Variants in SCNN1B observed in about 807,000 individuals in gnomAD.
SCNN1B encodes the protein sodium channel epithelial 1 subunit beta.
A neutral mutation model predicts 65.3 loss-of-function variants in SCNN1B; 46 were observed. The observed-to-expected ratio is 0.70, with a 90% confidence interval of 0.56 to 0.90. The LOEUF is 0.90. SCNN1B is among the 40% of genes least tolerant of loss of function. The probability of loss-of-function intolerance (pLI) is 0.00; values close to 1 mark genes in which losing one functional copy is unlikely to be tolerated. For missense variants in SCNN1B, 751 were observed against 830.5 expected, an observed-to-expected ratio of 0.90 and a Z score of 1.18; for synonymous variants, 349 against 330.6, an observed-to-expected ratio of 1.06 and a Z score of -0.60.
intron 9 of SCNN1B, 24 bp from the exon 10 acceptor site, chr16:23,377,305 A>C (rs1190152189): frequency 1.2e-6 from 2 of 1,614,064 alleles, no homozygotes; most frequent in African/African-American, 2.7e-5. Flanking sequence ...CAGGGACCAC[A>C]ACAGGCCTGG....
intron 9 of SCNN1B, 25 bp from the exon 10 acceptor site, chr16:23,377,303 AC>A (rs759011588): frequency 1.2e-6 from 2 of 1,614,202 alleles, no homozygotes; most frequent in South Asian, 2.2e-5. Flanking sequence ...GGCAGGGACC[AC>A]AACAGGCCTG....
chr16:23,371,563 C>A, intron 6 of SCNN1B, 101 bp downstream of exon 6: 1 of 1,283,304 alleles, frequency 7.8e-7, no homozygotes, highest in Non-Finnish European at 1.1e-6. Flanking sequence ...ATCTGGGCCC[C>A]CCAGCCCTGG....
intron 1 of SCNN1B, among the ~76,000 whole-genome samples, chr16:23,338,347 C>T (rs7204560): frequency 0.094 from 14,240 of 152,234 alleles, 786 homozygotes; most frequent in East Asian, 0.24. Flanking sequence ...GTGGCTGTTA[C>T]ACCTGGCCAG....
intron 1 of SCNN1B, among the ~76,000 whole-genome samples, chr16:23,340,802 C>T (rs570403336): frequency 4.7e-4 from 71 of 152,270 alleles, no homozygotes; most frequent in African/African-American, 1.7e-3. Context: ...CCACACTGTC[C>T]TGATAAATGC....
At chr16:23,318,654 T>TATTATATAATAATATA (rs1251632726) in intron 1 of SCNN1B, among the ~76,000 whole-genome samples, 32 of 152,084 alleles carry the variant, frequency 2.1e-4, no homozygotes, top group Middle Eastern at 3.4e-3. Flanking sequence ...TATGCATGAG[T>TATTATATAATAATATA]GTATTCTAGC....
At position 23,341,176 on chromosome 16, in the gene SCNN1B, C is replaced by T. The variant is rs1962048045; in HGVS notation, c.-8-7416C>T. Reference sequence around the variant, plus strand: ...TTTAAGCTTTCTTTTCATTTAAATGCTAAAACATCAGACAAGGTGCCAAGA... The same window carrying T: ...TTTAAGCTTTCTTTTCATTTAAATGTTAAAACATCAGACAAGGTGCCAAGA... On this transcript the variant is annotated intron_variant, in intron 1 of 12. Coordinates refer to ENST00000343070, the MANE Select transcript of SCNN1B (RefSeq NM_000336.3). Among the ~76,000 whole-genome samples, 3 of 152,182 alleles carry T rather than the reference C, an allele frequency of 2.0e-5. No homozygotes were observed. The South Asian group carries it at 6.2e-4, about 32-fold the overall frequency.
At position 23,281,619 on chromosome 16, in the gene SCNN1B, C is replaced by G. The variant is rs143087821; in HGVS notation, n.111-2118C>G. 2.0e-4 allele frequency among the ~76,000 whole-genome samples: 31 copies of G among 152,266 alleles called. No individual in the cohort carries two copies. The East Asian group carries it at 5.8e-3, about 28-fold the overall frequency. ...GAATAGATAAGGGTTTTTACATATT[C>G]TCACTTATAAGTGGTAGCTAGATAA... On this transcript the variant is annotated intron_variant and non_coding_transcript_variant, in intron 1 of 3. Transcript: ENST00000569789.
chr16:23,299,251 G>A (rs1201819220), upstream of SCNN1B, among the ~76,000 whole-genome samples: 1 of 151,522 alleles, frequency 6.6e-6, no homozygotes. Flanking sequence ...GTAGAGATGG[G>A]GCTTCACCAT....
At chr16:23,361,643 T>A (rs1183319655) in intron 4 of SCNN1B, among the ~76,000 whole-genome samples, 1 of 152,246 alleles carries the variant, frequency 6.6e-6, no homozygotes, top group Non-Finnish European at 1.5e-5. Flanking sequence ...TTGGCCACTC[T>A]GTCAGTTAGC....
chr16:23,332,347 C>A (rs1961831139), intron 1 of SCNN1B, among the ~76,000 whole-genome samples: 1 of 152,100 alleles, frequency 6.6e-6, no homozygotes, highest in Non-Finnish European at 1.5e-5. Flanking sequence ...AGGCGCCCAC[C>A]ACCATGCCCA....
intron 2 of SCNN1B, among the ~76,000 whole-genome samples, chr16:23,285,666 A>AC (rs928448418): frequency 1.9e-4 from 23 of 119,574 alleles, no homozygotes; most frequent in South Asian, 5.9e-4. Flanking sequence ...TAATAATAAA[A>AC]AAAAATAATA....
chr16:23,332,747 G>A (rs1050729142), intron 1 of SCNN1B, among the ~76,000 whole-genome samples: 1 of 152,084 alleles, frequency 6.6e-6, no homozygotes, highest in Non-Finnish European at 1.5e-5. Flanking sequence ...CAGCCTCACG[G>A]GTCTTCCTTC....
intron 2 of SCNN1B, among the ~76,000 whole-genome samples, chr16:23,293,768 A>C (rs1822304012): frequency 6.6e-6 from 1 of 151,940 alleles, no homozygotes; most frequent in South Asian, 2.1e-4. Flanking sequence ...CTCTACAAAA[A>C]AAAAATTAGC....
At chr16:23,365,587 GAGAAAGAA>G (rs1555488905) in intron 4 of SCNN1B, among the ~76,000 whole-genome samples, 63 of 87,000 alleles carry the variant, frequency 7.2e-4, no homozygotes, top group Middle Eastern at 5.9e-3. Context: ...AAGAAAGAAA[GAGAAAGAA>G]AGAAAGAAAG....
chr16:23,344,524 C>T (rs1962144391), intron 1 of SCNN1B, among the ~76,000 whole-genome samples: 2 of 152,214 alleles, frequency 1.3e-5, no homozygotes, highest in Non-Finnish European at 2.9e-5. Context: ...TCATGGCAAA[C>T]ATTTAATACT....
At position 23,355,460 on chromosome 16, in the gene SCNN1B, C is replaced by A. The variant is rs754854224; in HGVS notation, c.747C>A (p.Cys249Ter). Residue 249 changes from cysteine (C) to a stop codon, truncating the protein, a stop_gained, in exon 4 of 13, where the codon TGC (cysteine) becomes TGA (stop). Coordinates refer to ENST00000343070, the MANE Select transcript of SCNN1B (RefSeq NM_000336.3). LOFTEE classifies it high-confidence loss of function. ...CCGGCGAGCAGATGATCCTGGCCTG[C>A]CTATTCGGAGCTGAGCCCTGCAACT... ...SYPGEQMILA[C>*]LFGAEPCNYR... 1.2e-6 allele frequency: 2 copies of A among 1,614,192 alleles called. No individual in the cohort carries two copies. The highest frequency in any genetic ancestry group is 4.5e-5 in the East Asian group (2 of 44,886).
intron 1 of SCNN1B, among the ~76,000 whole-genome samples, chr16:23,340,690 C>T (rs965711973): frequency 6.6e-6 from 1 of 152,120 alleles, no homozygotes; most frequent in Admixed American, 6.6e-5. Context: ...GCCACCATGC[C>T]TGGCCAAGAC....
chr16:23,360,076 G>A (rs139712721), intron 4 of SCNN1B, among the ~76,000 whole-genome samples: 4,048 of 151,874 alleles, frequency 0.027, 207 homozygotes, highest in African/African-American at 0.093. Flanking sequence ...AGTGGCTCAC[G>A]CCTATAATCC....
intron 1 of SCNN1B, among the ~76,000 whole-genome samples, chr16:23,303,812 A>G (rs974004224): frequency 2.0e-5 from 3 of 151,728 alleles, no homozygotes; most frequent in Non-Finnish European, 4.4e-5. Context: ...CCAGCTACTC[A>G]GGAGGCTGAC....
Sources: allele counts gnomAD v4.1 joint callset (sites outside exome capture counted in the v4.1 genomes callset), GRCh38; gene constraint gnomAD v4.1.1; transcripts MANE v1.5; gene names NCBI Gene and HGNC (gene_info 2026-07-23, HGNC 2026-07-21).